LRRC37A2: variants seen among roughly 807,000 people sequenced by gnomAD.
LRRC37A2 encodes leucine-rich repeat-containing protein 37A2.
A neutral mutation model predicts 68.8 loss-of-function variants in LRRC37A2; 9 were observed. That is an observed-to-expected ratio of 0.13 (90% CI 0.08 to 0.23). The LOEUF is 0.23. Among genes scored for constraint, LRRC37A2 ranks in the 10% least tolerant of loss-of-function variants. The pLI is 1.00. For missense variants in LRRC37A2, 168 were observed against 950.4 expected, an observed-to-expected ratio of 0.18 and a Z score of 10.82; for synonymous variants, 63 against 367.6, an observed-to-expected ratio of 0.17 and a Z score of 9.48.
the LRRC37A2 span, among the ~76,000 whole-genome samples, chr17:46,944,659 G>A: frequency 4.6e-5 from 7 of 151,326 alleles, no homozygotes; most frequent in Non-Finnish European, 1.0e-4. Context: ...GGGTGCAATG[G>A]TGCAATCTCG....
At chr17:46,932,578 G>T in the LRRC37A2 span, 2 of 467,180 alleles carry the variant, frequency 4.3e-6, no homozygotes, top group Admixed American at 7.8e-5. Context: ...CTGCCTGCGG[G>T]CAGTTGCCAT....
the LRRC37A2 span, among the ~76,000 whole-genome samples, chr17:46,693,516 GA>G: frequency 7.6e-3 from 1,068 of 140,348 alleles, 13 homozygotes; most frequent in Middle Eastern, 0.018. Context: ...ACTTCTGGGG[GA>G]AAAAAAAAAA....
chr17:46,991,164 T>C, the LRRC37A2 span, among the ~76,000 whole-genome samples: 1 of 152,214 alleles, frequency 6.6e-6, no homozygotes, highest in Non-Finnish European at 1.5e-5. Flanking sequence ...AGTCATCATC[T>C]TCTGAGATGT....
intron 8 of LRRC37A2, among the ~76,000 whole-genome samples, chr17:46,543,678 C>G (rs1441566194): frequency 6.6e-6 from 1 of 150,874 alleles, no homozygotes; most frequent in Non-Finnish European, 1.5e-5. Flanking sequence ...CATACACACA[C>G]GGAAAGCTAA....
At chr17:46,832,761 C>G in the LRRC37A2 span, 1 of 152,940 alleles carries the variant, frequency 6.5e-6, no homozygotes, top group East Asian at 1.9e-4. Context: ...GGGTGAAACT[C>G]ACCAGTTGGG....
the LRRC37A2 span, among the ~76,000 whole-genome samples, chr17:46,597,788 C>CTT: frequency 1.8e-4 from 8 of 44,168 alleles, no homozygotes; most frequent in Non-Finnish European, 2.9e-4. Context: ...TTGCAATACT[C>CTT]TTTTTTTTTT....
chr17:46,780,605 T>C, the LRRC37A2 span, among the ~76,000 whole-genome samples: 1 of 151,690 alleles, frequency 6.6e-6, no homozygotes, highest in East Asian at 2.0e-4. Flanking sequence ...TGAAACCCCG[T>C]CTCTACTAAA....
the LRRC37A2 span, among the ~76,000 whole-genome samples, chr17:46,811,132 C>T: frequency 5.5e-5 from 8 of 144,552 alleles, 1 homozygote; most frequent in South Asian, 4.2e-4. Context: ...ACAGATAAAT[C>T]GACACTACTG....
At chr17:46,585,103 G>A in the LRRC37A2 span, among the ~76,000 whole-genome samples, 1 of 96,150 alleles carries the variant, frequency 1.0e-5, no homozygotes, top group Admixed American at 1.1e-4. Context: ...AGGAGTTCGA[G>A]AGCTGTCTGG....
the LRRC37A2 span, among the ~76,000 whole-genome samples, chr17:46,887,639 C>T: frequency 2.0e-5 from 3 of 152,204 alleles, no homozygotes; most frequent in East Asian, 5.8e-4. Flanking sequence ...TGGCATATGC[C>T]TGTAACACCA....
chr17:46,928,792 T>G, the LRRC37A2 span, among the ~76,000 whole-genome samples: 1 of 152,194 alleles, frequency 6.6e-6, no homozygotes, highest in African/African-American at 2.4e-5. Context: ...CCACATGTCT[T>G]GAATGAATTT....
the LRRC37A2 span, among the ~76,000 whole-genome samples, chr17:46,392,423 T>TCTC: frequency 2.0e-5 from 1 of 50,618 alleles, no homozygotes; most frequent in African/African-American, 6.7e-5. Context: ...CTCTCTCTCT[T>TCTC]TCTTTCTCTC....
the LRRC37A2 span, chr17:46,764,743 G>A: frequency 6.6e-6 from 1 of 152,266 alleles, no homozygotes; most frequent in African/African-American, 2.4e-5. Flanking sequence ...CAGAGGTGAT[G>A]AGGACTTGGG....
the LRRC37A2 span, among the ~76,000 whole-genome samples, chr17:46,988,018 A>T: frequency 6.6e-6 from 1 of 152,154 alleles, no homozygotes; most frequent in Non-Finnish European, 1.5e-5. Flanking sequence ...CTAAAAATAC[A>T]AAAATTAGCC....
the LRRC37A2 span, among the ~76,000 whole-genome samples, chr17:46,719,343 G>A: frequency 3.0e-4 from 46 of 152,134 alleles, no homozygotes; most frequent in Admixed American, 9.8e-4. This position sits in a 1 kb window ranked among gnomAD's most constrained non-coding sequence, Gnocchi z 4.3. Context: ...TAGTAGAGAG[G>A]GCTGTTAGGC....
the LRRC37A2 span, among the ~76,000 whole-genome samples, chr17:46,764,800 A>T: frequency 6.6e-6 from 1 of 152,076 alleles, no homozygotes; most frequent in South Asian, 2.1e-4. Flanking sequence ...CTGTTGAGGG[A>T]GGTCGTATGA....
the LRRC37A2 span, among the ~76,000 whole-genome samples, chr17:47,041,452 CTTTTTTTTT>C: frequency 0.034 from 1,244 of 36,540 alleles, 2 homozygotes; most frequent in Non-Finnish European, 0.051. Flanking sequence ...TTGGATGTCT[CTTTTTTTTT>C]TTTTTTTTTT....
chr17:46,980,666 C>CAAAAAAAAAAAAAAAAAAAAAAAAAAA, the LRRC37A2 span, among the ~76,000 whole-genome samples: 11 of 83,880 alleles, frequency 1.3e-4, 1 homozygote, highest in East Asian at 1.5e-3. Context: ...ACTAAAAATA[C>CAAAAAAAAAAAAAAAAAAAAAAAAAAA]AAAAAAAAAA....
chr17:46,916,451 G>C, the LRRC37A2 span, among the ~76,000 whole-genome samples: 1 of 152,192 alleles, frequency 6.6e-6, no homozygotes, highest in Non-Finnish European at 1.5e-5. Flanking sequence ...CAGTGATTAA[G>C]GCCTAAAGAA....
Sources: allele counts gnomAD v4.1 joint callset (sites outside exome capture counted in the v4.1 genomes callset), GRCh38; gene constraint gnomAD v4.1.1; non-coding constraint Gnocchi (gnomAD v3.1); transcripts MANE v1.5; gene names NCBI Gene and HGNC (gene_info 2026-07-23, HGNC 2026-07-21).